FAAP20: variants seen among roughly 807,000 people sequenced by gnomAD.
The protein encoded by FAAP20 is Fanconi anemia core complex-associated protein 20.
In FAAP20, 12 loss-of-function variants were observed where a neutral mutation model predicts 16.2. The observed-to-expected ratio is 0.74, with a 90% confidence interval of 0.48 to 1.20. The LOEUF (loss-of-function observed/expected upper bound fraction) is 1.20, where lower values mean the gene tolerates loss of function less well. Ranked by LOEUF, FAAP20 falls within the 50% of genes most tolerant of loss-of-function variation. FAAP20 has a pLI of 0.00. For synonymous variants in FAAP20, 141 were observed against 110.7 expected (o/e 1.27, Z -1.72); for missense variants, 288 against 245.8 (o/e 1.17, Z -1.15).
At position 2,194,696 on chromosome 1, in the gene FAAP20, C is replaced by A; in HGVS notation, c.54G>T (p.Pro18=). ...RLGLSRRRPR[P]AGGPSGGRPW... is the part of the protein sequence containing the mutation. ...CCGGCTCCCGGCCTCACCCGCCCGC[C>A]GGGCGCGGCCTCCGGCGGCTCAACC... The change falls in exon 1 of 4, where the codon CCG becomes CCT. Residue 18 remains proline, a synonymous_variant. Transcript: ENST00000378546. 1.7e-6 allele frequency: 2 copies of A among 1,161,474 alleles called. No homozygotes were observed. Among genetic ancestry groups the A allele is most frequent in the South Asian group, 8.2e-5 (2 of 24,344 alleles). 71.9% of individuals were successfully genotyped at this position (1,161,474 alleles called of 1,614,324 possible).
rs747560796 is a variant in FAAP20, at chr1:2,193,804, C to A, written c.305G>T (p.Arg102Leu). 7 of 1,604,274 alleles carry A rather than the reference C, an allele frequency of 4.4e-6. No individual in the cohort carries two copies. Among genetic ancestry groups the A allele is most frequent in the Admixed American group, 1.8e-5 (1 of 56,448 alleles). The change falls in exon 3 of 4, where the codon CGG (arginine) becomes CTG (leucine). Residue 102 changes from arginine to leucine, a missense_variant. Arg to Leu is a moderately radical substitution (Grantham distance 102, BLOSUM62 -2). Transcript: ENST00000378546. ...GTGCCCTCCTGCCCCGTGAAGCAGCCGGTAGGAACGGCCCGGGCCCCACAG... is the reference window on the plus strand; with the variant it reads ...GTGCCCTCCTGCCCCGTGAAGCAGCAGGTAGGAACGGCCCGGGCCCCACAG... Reference protein sequence around the residue: ...PDLWGPGRSYRLLHGAGGHLE... With the variant: ...PDLWGPGRSYLLLHGAGGHLE...
upstream of FAAP20, chr1:2,194,775 G>A: frequency 8.5e-7 from 1 of 1,171,490 alleles, no homozygotes; most frequent in Non-Finnish European, 1.1e-6. Context: ...GCGGAAGTGA[G>A]CGCAAGCCCC....
chr1:2,207,937 T>C (rs146605230), downstream of FAAP20, among the ~76,000 whole-genome samples: 35,491 of 151,300 alleles, frequency 0.23, 4,705 homozygotes, highest in South Asian at 0.29. Flanking sequence ...TGTGTGTGTG[T>C]GTGTGTGTGT....
downstream of FAAP20, chr1:2,184,576 T>A: frequency 6.2e-7 from 1 of 1,612,636 alleles, no homozygotes; most frequent in Non-Finnish European, 8.5e-7. Flanking sequence ...CCTATTGTTT[T>A]TCCAAGCTGG....
upstream of FAAP20, chr1:2,199,326 C>T (rs1310079888): frequency 2.9e-6 from 3 of 1,036,954 alleles, no homozygotes; most frequent in East Asian, 3.1e-4. The surrounding 1 kb of genome is among the most constrained non-coding windows in gnomAD (Gnocchi z 4.5). Flanking sequence ...ACTCAGCCCC[C>T]ACCCAGGGGC....
chr1:2,184,820 C>T (rs1687321775), downstream of FAAP20: 3 of 1,375,898 alleles, frequency 2.2e-6, no homozygotes, highest in Non-Finnish European at 3.0e-6. Flanking sequence ...GTCATCTCTC[C>T]AGTGGGCGTT....
intron 3 of FAAP20, chr1:2,192,840 C>T (rs2100674425): frequency 1.6e-6 from 2 of 1,252,980 alleles, no homozygotes; most frequent in South Asian, 1.2e-5. Flanking sequence ...GCTCCAGCAA[C>T]CCACCTGCCT....
intron 3 of FAAP20, chr1:2,193,111 G>A: frequency 3.4e-6 from 3 of 884,870 alleles, no homozygotes; most frequent in Non-Finnish European, 4.6e-6. Flanking sequence ...CTGCTCCGGA[G>A]GCCAAGGGCC....
chr1:2,204,719 A>G (rs1473368404), upstream of FAAP20, among the ~76,000 whole-genome samples: 1 of 152,132 alleles, frequency 6.6e-6, no homozygotes, highest in Non-Finnish European at 1.5e-5. Context: ...TAAACTGGCT[A>G]CGACCCCTCC....
chr1:2,189,954 C>T (rs1687994475), intron 3 of FAAP20, 173 bp from the exon 4 acceptor site: 2 of 645,754 alleles, frequency 3.1e-6, no homozygotes, highest in East Asian at 2.7e-5. Context: ...CCACGGTAAC[C>T]GCCAGTGGTG....
At chr1:2,190,329 C>A (rs1366064441) in intron 3 of FAAP20, 1 of 456,276 alleles carries the variant, frequency 2.2e-6, no homozygotes, top group African/African-American at 2.0e-5. Flanking sequence ...TGGGAGGCCC[C>A]ACGCGGCCCC....
chr1:2,197,365 C>T (rs74817143), upstream of FAAP20, among the ~76,000 whole-genome samples: 5,588 of 151,630 alleles, frequency 0.037, 169 homozygotes, highest in Middle Eastern at 0.055. Context: ...AGAAGCAGGG[C>T]GGGGTCTCAA....
At chr1:2,188,821 C>G (rs933625206), downstream of FAAP20, among the ~76,000 whole-genome samples, 1 of 151,770 alleles carries the variant, frequency 6.6e-6, no homozygotes, top group Non-Finnish European at 1.5e-5. Flanking sequence ...CTGGCTAACA[C>G]GGTGAAACCC....
chr1:2,184,898 C>T, downstream of FAAP20: 2 of 1,599,318 alleles, frequency 1.3e-6, no homozygotes, highest in Non-Finnish European at 1.7e-6. Context: ...TCACCCCCCT[C>T]CCCCCTGCCA....
At chr1:2,210,202 C>T (rs1336206821), downstream of FAAP20, among the ~76,000 whole-genome samples, 1 of 152,158 alleles carries the variant, frequency 6.6e-6, no homozygotes, top group Non-Finnish European at 1.5e-5. Flanking sequence ...CAGACAGAGG[C>T]GAGTTGGGAC....
intron 3 of FAAP20, among the ~76,000 whole-genome samples, chr1:2,205,816 G>A (rs1253749638): frequency 6.6e-6 from 1 of 152,236 alleles, no homozygotes; most frequent in Non-Finnish European, 1.5e-5. Flanking sequence ...TGCCCAGATC[G>A]CCGGCGAAGC....
upstream of FAAP20, chr1:2,199,642 G>A (rs115998910): frequency 6.6e-3 from 6,553 of 985,594 alleles, 21 homozygotes; most frequent in Non-Finnish European, 7.4e-3. This position sits in a 1 kb window ranked among gnomAD's most constrained non-coding sequence, Gnocchi z 4.5. Flanking sequence ...GTTGAGCAGC[G>A]TCTCCGAAGA....
rs373366588 is a variant in FAAP20, at chr1:2,189,683, C to G, written c.*26G>C. The G allele has an allele frequency of 1.6e-5, 26 of 1,601,222 alleles. No individual in the cohort carries two copies. The African/African-American group carries it at 3.5e-4, about 21-fold the overall frequency. On this transcript the variant is annotated 3_prime_UTR_variant, in exon 4 of 4. Coordinates refer to ENST00000378546, the MANE Select transcript of FAAP20 (RefSeq NM_182533.4). ...GGGGAGAGCGTGTCCGGGCGCCGCA[C>G]TCTGCGCAGGGCTCTTGGATGGCGC...
chr1:2,204,573 T>G (rs2100748685), upstream of FAAP20, among the ~76,000 whole-genome samples: 1 of 152,274 alleles, frequency 6.6e-6, no homozygotes, highest in East Asian at 1.9e-4. Context: ...CCCTGTGGCC[T>G]GCTCTGAGGG....
Sources: allele counts gnomAD v4.1 joint callset (sites outside exome capture counted in the v4.1 genomes callset), GRCh38; gene constraint gnomAD v4.1.1; non-coding constraint Gnocchi (gnomAD v3.1); transcripts MANE v1.5; gene names NCBI Gene and HGNC (gene_info 2026-07-23, HGNC 2026-07-21).